The following SLC45A1 variants were observed in gnomAD, a reference collection of about 807,000 sequenced individuals.
SLC45A1 encodes solute carrier family 45 member 1, also known as proton-associated sugar transporter A.
In SLC45A1, 28 loss-of-function variants were observed where a neutral mutation model predicts 57.6. That is an observed-to-expected ratio of 0.49 (90% CI 0.36 to 0.67). The LOEUF (loss-of-function observed/expected upper bound fraction) is 0.67, where lower values mean the gene tolerates loss of function less well. Among genes scored for constraint, SLC45A1 ranks in the 30% least tolerant of loss-of-function variants. The pLI, the probability that SLC45A1 is intolerant of heterozygous loss-of-function variation, is 0.00. For missense variants in SLC45A1, 814 were observed against 1,041.5 expected, an observed-to-expected ratio of 0.78 and a Z score of 3.01; for synonymous variants, 459 against 471.5, an observed-to-expected ratio of 0.97 and a Z score of 0.34.
rs371985943 is a variant in SLC45A1, at chr1:8,344,008, G to A, written c.2242G>A (p.Val748Ile). 1.2e-5 allele frequency: 19 copies of A among 1,604,736 alleles called. No individual in the cohort carries two copies. The highest frequency in any genetic ancestry group is 2.2e-5 in the East Asian group (1 of 44,654). The change falls in exon 9 of 9, where the codon GTC becomes ATC. Residue 748 changes from valine (V) to isoleucine (I), a missense_variant. Coordinates refer to ENST00000471889, the MANE Select transcript of SLC45A1 (RefSeq NM_001080397.3). ...GGAGCACCGGCCCCTCCTGCTGAAC[G>A]TCTGACATCGCGGAGCCTCGACTCC... ...DEEHRPLLLNV is the reference protein window; with the variant it reads ...DEEHRPLLLNI
chr1:8,337,838 G>A lies in SLC45A1; in HGVS notation c.1620G>A (p.Met540Ile), dbSNP rs1192023311. The change falls in exon 7 of 9, where the codon ATG becomes ATA. Residue 540 changes from methionine (M) to isoleucine (I), a missense_variant. Coordinates refer to ENST00000471889, the MANE Select transcript of SLC45A1 (RefSeq NM_001080397.3). ...HFLGWLSFEG[M>I]LLFYTDFMGE... Reference sequence around the variant, plus strand: ...CAGGGTGGCTCTCATTCGAGGGGATGTTGCTCTTCTACACAGACTTCATGG... The same window carrying A: ...CAGGGTGGCTCTCATTCGAGGGGATATTGCTCTTCTACACAGACTTCATGG... 1 of 1,614,084 alleles carries A rather than the reference G, an allele frequency of 6.2e-7. No individual in the cohort carries two copies. The highest frequency in any genetic ancestry group is 8.5e-7 in the Non-Finnish European group (1 of 1,179,978).
At position 8,324,530 on chromosome 1, in the gene SLC45A1, G is replaced by A. The variant is rs200853249; in HGVS notation, c.201G>A (p.Pro67=). 3.0e-5 allele frequency: 19 copies of A among 640,470 alleles called. No individual in the cohort carries two copies. Among genetic ancestry groups the A allele is most frequent in the East Asian group, 1.8e-4 (3 of 16,532 alleles). The allele number at this position is 640,470 out of a possible 1,614,324, so 39.7% of individuals were successfully genotyped here. A position where few individuals can be genotyped will look rare whatever the true frequency, so the allele number is the denominator to read the frequency against. ...RPSPPPPPNT[P]CPLELVDFGD... ...CCCCACCCCCGCCCCCCAACACCCC[G>A]TGCCCGCTTGAGCTGGTGGACTTCG... Residue 67 remains proline (P), a synonymous_variant, in exon 2 of 9, where the codon CCG becomes CCA. Coordinates refer to ENST00000471889, the MANE Select transcript of SLC45A1 (RefSeq NM_001080397.3).
Position 8,339,715 on chromosome 1 carries a change from G to A in SLC45A1, c.1980+17G>A, listed in dbSNP as rs747597339. ...AGTAAGAAGGTAAGTGCTCTCCCTT[G>A]TCTTGCTTCGGGTCTGCTTCTTGGA... is the stretch of plus-strand genomic sequence containing the variant. On this transcript the variant is annotated intron_variant, in intron 8 of 8. Coordinates refer to ENST00000471889, the MANE Select transcript of SLC45A1 (RefSeq NM_001080397.3). 6 of 1,610,482 alleles carry A rather than the reference G, an allele frequency of 3.7e-6. No homozygotes were observed. In the Admixed American group the frequency reaches 1.0e-4, roughly 27 times the overall value.
chr1:8,333,948 C>G (rs915935197), intron 5 of SLC45A1, among the ~76,000 whole-genome samples: 5 of 152,238 alleles, frequency 3.3e-5, no homozygotes, highest in Non-Finnish European at 7.3e-5. Context: ...AACTGGAAAT[C>G]ACTGGAGAGC....
At chr1:8,321,942 C>T (rs374709363) in intron 1 of SLC45A1, among the ~76,000 whole-genome samples, 2 of 30,940 alleles carry the variant, frequency 6.5e-5, no homozygotes, top group South Asian at 1.2e-3. Flanking sequence ...TGGATGGATA[C>T]GTGGATGGGT....
At chr1:8,342,898 C>A (rs1408565477) in intron 8 of SLC45A1, among the ~76,000 whole-genome samples, 96 of 132,854 alleles carry the variant, frequency 7.2e-4, no homozygotes, top group South Asian at 1.2e-3. Context: ...GACCCTGTCT[C>A]AAAAAAAAAA....
rs1640886832 is a variant in SLC45A1 at position 8,343,231 on chromosome 1, C to G, written c.1981-516C>G. Among the ~76,000 whole-genome samples the G allele has an allele frequency of 6.6e-6, 1 of 152,210 alleles. No homozygotes were observed. The highest frequency in any genetic ancestry group is 2.4e-5 in the African/African-American group (1 of 41,450). On this transcript the variant is annotated intron_variant, in intron 8 of 8. Transcript: ENST00000471889. This position sits in a 1 kb window ranked among gnomAD's most constrained non-coding sequence, Gnocchi z 7.7. ...ACCGTCACTCTGCACAGACCACACT[C>G]TCAGCCACTGTCCCCCAGCATGGCA...
chr1:8,321,591 C>G (rs999158211), intron 1 of SLC45A1, among the ~76,000 whole-genome samples: 1 of 152,166 alleles, frequency 6.6e-6, no homozygotes. Context: ...TCTTTTATCT[C>G]TCTTATCTCA....
rs564798331 is a variant in SLC45A1 at position 8,325,340 on chromosome 1, G to A, written c.440G>A (p.Cys147Tyr). Residue 147 changes from cysteine (C) to tyrosine (Y), a missense_variant, in exon 3 of 9, where the codon TGT becomes TAT. Cys to Tyr is a radical substitution (Grantham distance 194, BLOSUM62 -2). Transcript: ENST00000471889. This position sits in a 1 kb window ranked among gnomAD's most constrained non-coding sequence, Gnocchi z 6.3. ...QPLLGAWSDR[C>Y]TSRFGRRRPF... ...CTGTTGGGTGCTTGGAGTGACCGGT[G>A]TACCTCAAGGTTTGGAAGGAGACGC... The A allele has an allele frequency of 8.1e-6, 13 of 1,613,660 alleles. No individual in the cohort carries two copies. Among genetic ancestry groups the A allele is most frequent in the South Asian group, 1.1e-5 (1 of 91,054 alleles).
chr1:8,326,104 T>C lies in SLC45A1; in HGVS notation c.715+62T>C. Reference sequence around the variant, plus strand: ...GGGCTGCAGGCTTCAGACGTGTGGCTTTCGAGGCCCTTCCTCACTCCCTGA... The same window carrying C: ...GGGCTGCAGGCTTCAGACGTGTGGCCTTCGAGGCCCTTCCTCACTCCCTGA... On this transcript the variant is annotated intron_variant, in intron 4 of 8. Coordinates refer to ENST00000471889, the MANE Select transcript of SLC45A1 (RefSeq NM_001080397.3). The surrounding 1 kb of genome is among the most constrained non-coding windows in gnomAD (Gnocchi z 5.5). 7.5e-7 allele frequency: 1 copy of C among 1,337,744 alleles called. No individual in the cohort carries two copies. Among genetic ancestry groups the C allele is most frequent in the Non-Finnish European group, 1.0e-6 (1 of 953,844 alleles). The allele number at this position is 1,337,744 out of a possible 1,614,324, so 82.9% of individuals were successfully genotyped here. A position where few individuals can be genotyped will look rare whatever the true frequency, so the allele number is the denominator to read the frequency against.
chr1:8,325,897 G>A lies in SLC45A1; in HGVS notation c.570G>A (p.Lys190=), dbSNP rs777040848. The A allele has an allele frequency of 8.1e-6, 13 of 1,613,992 alleles. No individual in the cohort carries two copies. The Admixed American group carries it at 2.2e-4, about 27-fold the overall frequency. ...IALADVTGNH[K]WGLLLTVCGV... ...TGGCTGACGTGACCGGGAACCACAA[G>A]TGGGGCCTGCTGCTGACCGTGTGCG... Residue 190 remains lysine, a synonymous_variant, in exon 4 of 9, where the codon AAG becomes AAA. Coordinates refer to ENST00000471889, the MANE Select transcript of SLC45A1 (RefSeq NM_001080397.3). The surrounding 1 kb of genome is among the most constrained non-coding windows in gnomAD (Gnocchi z 6.3).
intron 5 of SLC45A1, among the ~76,000 whole-genome samples, chr1:8,334,056 G>A (rs1489806624): frequency 6.6e-6 from 1 of 152,218 alleles, no homozygotes; most frequent in Non-Finnish European, 1.5e-5. Flanking sequence ...TAATTAATCT[G>A]GTCTTTGTCA....
chr1:8,320,692 T>TACACACAC lies in SLC45A1; in HGVS notation c.-25+2541_-25+2548dup, dbSNP rs57414432. Reference sequence around the variant, plus strand: ...CTCTCTCTCTGTTTCTCTCTCTCTCTACACACACACACACACACACACACA... The same window carrying TACACACAC: ...CTCTCTCTCTGTTTCTCTCTCTCTCTACACACACACACACACACACACACACACACACA... On this transcript the variant is annotated intron_variant, in intron 1 of 8. Transcript: ENST00000471889. Among the ~76,000 whole-genome samples the TACACACAC allele has an allele frequency of 5.4e-3, 545 of 101,282 alleles. 2 individuals carry two copies. Among genetic ancestry groups the TACACACAC allele is most frequent in the African/African-American group, 0.016 (506 of 31,510 alleles). The allele number at this position is 101,282 out of a possible 152,430, so 66.4% of individuals were successfully genotyped here. A position where few individuals can be genotyped will look rare whatever the true frequency, so the allele number is the denominator to read the frequency against.
rs776253005 is a variant in SLC45A1 at position 8,330,272 on chromosome 1, G to A, written c.779G>A (p.Arg260Lys). 2.5e-6 allele frequency: 4 copies of A among 1,613,832 alleles called. No homozygotes were observed. The South Asian group carries it at 4.4e-5, about 18-fold the overall frequency. The change falls in exon 5 of 9, where the codon AGG becomes AAG. Residue 260 changes from arginine (R) to lysine (K), a missense_variant. Coordinates refer to ENST00000471889, the MANE Select transcript of SLC45A1 (RefSeq NM_001080397.3). The surrounding 1 kb of genome is among the most constrained non-coding windows in gnomAD (Gnocchi z 8.4). ...GIHWDKTGFG[R>K]ALGGQLRVIY... Reference sequence around the variant, plus strand: ...CACTGGGATAAAACGGGCTTCGGGAGGGCCCTGGGGGGACAGCTCCGAGTC... The same window carrying A: ...CACTGGGATAAAACGGGCTTCGGGAAGGCCCTGGGGGGACAGCTCCGAGTC...
In SLC45A1 at chr1:8,325,299, A is replaced by T; in HGVS notation, c.399A>T (p.Gly133=). The change falls in exon 3 of 9, where the codon GGA becomes GGT. Residue 133 remains glycine (G), a splice_region_variant and synonymous_variant. Coordinates refer to ENST00000471889, the MANE Select transcript of SLC45A1 (RefSeq NM_001080397.3). The surrounding 1 kb of genome is among the most constrained non-coding windows in gnomAD (Gnocchi z 6.3). ...GACCGCTGGCCTGCTCTGTTTCAGG[A>T]TTCCTACTGCAGCCTCTGTTGGGTG... ...SLVWFISPIL[G]FLLQPLLGAW... is the part of the protein sequence containing the mutation. The T allele has an allele frequency of 6.2e-7, 1 of 1,612,272 alleles. No homozygotes were observed. Among genetic ancestry groups the T allele is most frequent in the Non-Finnish European group, 8.5e-7 (1 of 1,178,558 alleles).
At chr1:8,322,182 GAT>G (rs1408527537) in intron 1 of SLC45A1, among the ~76,000 whole-genome samples, 5 of 65,166 alleles carry the variant, frequency 7.7e-5, no homozygotes, top group Non-Finnish European at 1.0e-4. Context: ...TGGGTGGGTG[GAT>G]GGATGGATGG....
rs115137321 is a variant in SLC45A1 at position 8,331,041 on chromosome 1, G to A, written c.1443+105G>A. 1.1e-3 allele frequency: 1,572 copies of A among 1,381,614 alleles called. 5 individuals are homozygous for A. In the African/African-American group the frequency reaches 0.018, roughly 16 times the overall value. The allele number at this position is 1,381,614 out of a possible 1,614,324, so 85.6% of individuals were successfully genotyped here. On this transcript the variant is annotated intron_variant, in intron 5 of 8. Transcript: ENST00000471889. ...AGAGTCCCTCCAGGAAGAAATTCCC[G>A]GCTGTTATGGGGGTGTTATCAAGTG...
intron 8 of SLC45A1, among the ~76,000 whole-genome samples, chr1:8,342,984 C>A (rs1640878406): frequency 6.6e-6 from 1 of 152,152 alleles, no homozygotes; most frequent in Admixed American, 6.5e-5. Context: ...CTTTTAATCT[C>A]ATGCCTCAGT....
chr1:8,323,048 G>A (rs1192509064), intron 1 of SLC45A1, among the ~76,000 whole-genome samples: 1 of 152,120 alleles, frequency 6.6e-6, no homozygotes, highest in Non-Finnish European at 1.5e-5. Context: ...AAAACAGTTC[G>A]ACACTTTGGA....
Sources: gnomAD v4.1 joint callset for allele counts (sites outside exome capture counted in the v4.1 genomes callset) on GRCh38, gnomAD v4.1.1 for gene constraint, Gnocchi (gnomAD v3.1) non-coding constraint, MANE v1.5 for transcripts, NCBI Gene and HGNC (gene_info 2026-07-23, HGNC 2026-07-21) for gene names.